Variants in PRKAR1B observed in about 807,000 individuals in gnomAD.
PRKAR1B encodes cAMP-dependent protein kinase type I-beta regulatory subunit.
In PRKAR1B, 22 loss-of-function variants were observed where a neutral mutation model predicts 46.5. That is an observed-to-expected ratio of 0.47 (90% CI 0.34 to 0.68). PRKAR1B has a LOEUF of 0.68. Among genes scored for constraint, PRKAR1B ranks in the 30% least tolerant of loss-of-function variants. PRKAR1B has a pLI of 0.01. For missense variants in PRKAR1B, 445 were observed against 535.6 expected (o/e 0.83, Z 1.67); for synonymous variants, 259 against 217.7 (o/e 1.19, Z -1.67).
intron 4 of PRKAR1B, among the ~76,000 whole-genome samples, chr7:639,994 C>A (rs957629493): frequency 6.6e-6 from 1 of 151,938 alleles, no homozygotes; most frequent in African/African-American, 2.4e-5. Context: ...GAAACCCCAT[C>A]TCTACTAAAA....
intron 4 of PRKAR1B, among the ~76,000 whole-genome samples, chr7:648,957 G>A (rs1194798102): frequency 6.6e-6 from 1 of 152,006 alleles, no homozygotes; most frequent in Non-Finnish European, 1.5e-5. Context: ...TGAGGTCAGG[G>A]GTTCAAGGCC....
chr7:573,016 G>A (rs1041753537), intron 9 of PRKAR1B, among the ~76,000 whole-genome samples: 2 of 152,072 alleles, frequency 1.3e-5, no homozygotes, highest in African/African-American at 2.4e-5. Context: ...CCGAGAAGCC[G>A]CCCCACCGGC....
chr7:720,794 A>G (rs910856532), intron 1 of PRKAR1B, among the ~76,000 whole-genome samples: 2 of 152,078 alleles, frequency 1.3e-5, no homozygotes, highest in Non-Finnish European at 2.9e-5. Flanking sequence ...TTTACATGAT[A>G]CTCTTTTGCC....
intron 9 of PRKAR1B, among the ~76,000 whole-genome samples, chr7:569,565 C>A (rs1674361683): frequency 6.6e-6 from 1 of 152,180 alleles, no homozygotes; most frequent in Non-Finnish European, 1.5e-5. Context: ...GGGCATGCAG[C>A]CCCTCCCCTG....
At chr7:728,576 C>T (rs1241001709), upstream of PRKAR1B, among the ~76,000 whole-genome samples, 1 of 152,212 alleles carries the variant, frequency 6.6e-6, no homozygotes, top group East Asian at 1.9e-4. Context: ...GCTGGATGGA[C>T]ATGGCCATTG....
intron 4 of PRKAR1B, among the ~76,000 whole-genome samples, chr7:616,910 C>T (rs1403409621): frequency 6.6e-6 from 1 of 151,830 alleles, no homozygotes; most frequent in African/African-American, 2.4e-5. Context: ...CAGCCAAGTG[C>T]TCATCCCGGG....
At chr7:611,548 G>C (rs960682700) in intron 4 of PRKAR1B, among the ~76,000 whole-genome samples, 1 of 152,210 alleles carries the variant, frequency 6.6e-6, no homozygotes, top group Non-Finnish European at 1.5e-5. Context: ...TCCCCCTCCT[G>C]CAACACCTCA....
At chr7:574,645 T>G (rs1779716486) in intron 9 of PRKAR1B, among the ~76,000 whole-genome samples, 1 of 152,212 alleles carries the variant, frequency 6.6e-6, no homozygotes. Context: ...GGTTTCACCA[T>G]GTTGGCCAGG....
chr7:649,233 TC>T (rs1784773196), intron 4 of PRKAR1B, among the ~76,000 whole-genome samples: 1 of 152,252 alleles, frequency 6.6e-6, no homozygotes, highest in Non-Finnish European at 1.5e-5. Flanking sequence ...CCTTTTCTCC[TC>T]GAATGAGTAT....
chr7:611,299 G>T (rs1782470211), intron 4 of PRKAR1B, among the ~76,000 whole-genome samples: 1 of 152,138 alleles, frequency 6.6e-6, no homozygotes, highest in African/African-American at 2.4e-5. Context: ...CTGTGCCCTG[G>T]ACTGGTCTCT....
rs984089658 is a variant in PRKAR1B, at chr7:550,658, G to A, written c.974-56C>T. The A allele has an allele frequency of 2.1e-6, 3 of 1,433,358 alleles. No individual in the cohort carries two copies. The African/African-American group carries it at 4.3e-5, about 20-fold the overall frequency. The allele number at this position is 1,433,358 out of a possible 1,614,324, so 88.8% of individuals were successfully genotyped here. A position where few individuals can be genotyped will look rare whatever the true frequency, so the allele number is the denominator to read the frequency against. ...GCCTGGGGGTCCTGAGGCTGCAGCAGGGAAAGATTATGTCCAGGACCCTGG... is the reference window on the plus strand; with the variant it reads ...GCCTGGGGGTCCTGAGGCTGCAGCAAGGAAAGATTATGTCCAGGACCCTGG... On this transcript the variant is annotated intron_variant, in intron 10 of 10. Transcript: ENST00000537384.
intron 2 of PRKAR1B, among the ~76,000 whole-genome samples, chr7:705,438 G>T (rs566531318): frequency 2.6e-5 from 4 of 152,066 alleles, no homozygotes; most frequent in African/African-American, 9.6e-5. Context: ...AATCACGGCT[G>T]CTTGGAACAC....
At chr7:659,785 C>T (rs1289782850) in intron 4 of PRKAR1B, among the ~76,000 whole-genome samples, 1 of 152,188 alleles carries the variant, frequency 6.6e-6, no homozygotes, top group Non-Finnish European at 1.5e-5. Context: ...CGGCTCACTG[C>T]AGTCTCCACC....
chr7:662,289 C>T (rs1256209095), intron 4 of PRKAR1B, among the ~76,000 whole-genome samples: 2 of 113,656 alleles, frequency 1.8e-5, no homozygotes, highest in Non-Finnish European at 3.7e-5. Context: ...TACCTACTCT[C>T]CCCCGCAAGG....
rs1487447880 is a variant in PRKAR1B at position 644,523 on chromosome 7, CA to C, written c.440+32705del. 6.6e-6 allele frequency among the ~76,000 whole-genome samples: 1 copy of C among 152,182 alleles called. No homozygotes were observed. The highest frequency in any genetic ancestry group is 1.5e-5 in the Non-Finnish European group (1 of 68,004). On this transcript the variant is annotated intron_variant, in intron 4 of 10. Coordinates refer to ENST00000537384, the MANE Select transcript of PRKAR1B (RefSeq NM_001164760.2). The surrounding 1 kb of genome is among the most constrained non-coding windows in gnomAD (Gnocchi z 4.9). ...GGGGTCCAGCATCCCTCCGAGGGCC[CA>C]CCCTCCACTCCCCGCTGCCAGGGAG...
At chr7:606,132 A>C in intron 6 of PRKAR1B, 61 bp downstream of exon 6, 1 of 1,548,710 alleles carries the variant, frequency 6.5e-7, no homozygotes, top group Non-Finnish European at 8.9e-7. Context: ...CTGGAGGGCA[A>C]GTCTTCACAC....
At chr7:569,009 A>ATT (rs544203926) in intron 9 of PRKAR1B, among the ~76,000 whole-genome samples, 8 of 130,804 alleles carry the variant, frequency 6.1e-5, no homozygotes, top group South Asian at 2.4e-4. Flanking sequence ...TAGAGTTGTT[A>ATT]TTTTTTTTTT....
At chr7:557,044 C>T (rs983536559) in intron 9 of PRKAR1B, among the ~76,000 whole-genome samples, 3 of 152,236 alleles carry the variant, frequency 2.0e-5, no homozygotes, top group African/African-American at 7.2e-5. Flanking sequence ...TGCGGCCCCT[C>T]CCACCCCCGG....
chr7:631,713 G>A (rs1171760334), intron 4 of PRKAR1B, among the ~76,000 whole-genome samples: 2 of 152,184 alleles, frequency 1.3e-5, no homozygotes, highest in African/African-American at 2.4e-5. Flanking sequence ...CCGCACTTTG[G>A]GAGTCCGAGG....
Sources: gnomAD v4.1 joint callset for allele counts (sites outside exome capture counted in the v4.1 genomes callset) on GRCh38, gnomAD v4.1.1 for gene constraint, Gnocchi (gnomAD v3.1) non-coding constraint, MANE v1.5 for transcripts, NCBI Gene and HGNC (gene_info 2026-07-23, HGNC 2026-07-21) for gene names.